ZNG1B: variants seen among roughly 807,000 people sequenced by gnomAD.
ZNG1B encodes zinc-regulated GTPase metalloprotein activator 1B.
chr2:113,476,909 T>C, the ZNG1B span, among the ~76,000 whole-genome samples: 1 of 152,224 alleles, frequency 6.6e-6, no homozygotes, highest in Non-Finnish European at 1.5e-5. Context: ...GGGGAACCAC[T>C]GCTCTTTTCA....
At chr2:113,483,721 T>C in the ZNG1B span, among the ~76,000 whole-genome samples, 1 of 151,506 alleles carries the variant, frequency 6.6e-6, no homozygotes, top group Non-Finnish European at 1.5e-5. Context: ...ACATTTCTTT[T>C]GCCTGGAGTA....
At chr2:113,491,132 AG>A in the ZNG1B span, among the ~76,000 whole-genome samples, 4 of 31,106 alleles carry the variant, frequency 1.3e-4, no homozygotes, top group East Asian at 2.0e-3. Context: ...ACCATGATCA[AG>A]GGGTTTCATA....
the ZNG1B span, among the ~76,000 whole-genome samples, chr2:113,471,765 G>A: frequency 6.6e-6 from 1 of 151,764 alleles, no homozygotes; most frequent in East Asian, 1.9e-4. Context: ...AGTTTATGGA[G>A]AATGATGATT....
chr2:113,464,833 T>A, the ZNG1B span, among the ~76,000 whole-genome samples: 1 of 151,910 alleles, frequency 6.6e-6, no homozygotes, highest in Admixed American at 6.6e-5. Flanking sequence ...TGATTTTTTC[T>A]AAAGTGAAGC....
chr2:113,445,156 G>A, the ZNG1B span: 12 of 1,489,984 alleles, frequency 8.1e-6, no homozygotes, highest in Non-Finnish European at 1.1e-5. Flanking sequence ...GCTTTTGTTA[G>A]TATTAAACCA....
At chr2:113,445,247 T>C in the ZNG1B span, 1 of 610,106 alleles carries the variant, frequency 1.6e-6, no homozygotes, top group Non-Finnish European at 2.8e-6. Context: ...GGAGTATTTC[T>C]TGGTACTTTT....
the ZNG1B span, among the ~76,000 whole-genome samples, chr2:113,460,488 A>C: frequency 6.6e-6 from 1 of 152,114 alleles, no homozygotes; most frequent in Non-Finnish European, 1.5e-5. Context: ...GTAGAAAAAA[A>C]TTGCAAATGG....
chr2:113,461,515 C>T, the ZNG1B span, among the ~76,000 whole-genome samples: 2 of 152,092 alleles, frequency 1.3e-5, no homozygotes, highest in Non-Finnish European at 2.9e-5. Context: ...TTTCAGTGAA[C>T]TAAAGTGAAT....
the ZNG1B span, among the ~76,000 whole-genome samples, chr2:113,462,000 A>G: frequency 1.3e-5 from 2 of 152,100 alleles, no homozygotes; most frequent in African/African-American, 4.8e-5. Flanking sequence ...GTATTTTAGT[A>G]GGTAAACTCT....
chr2:113,466,967 G>A, the ZNG1B span, among the ~76,000 whole-genome samples: 2 of 150,760 alleles, frequency 1.3e-5, no homozygotes, highest in Non-Finnish European at 3.0e-5. Flanking sequence ...AGGAGGCTGA[G>A]GCAGGAGAAT....
At chr2:113,472,004 T>A in the ZNG1B span, among the ~76,000 whole-genome samples, 1 of 151,572 alleles carries the variant, frequency 6.6e-6, no homozygotes, top group Non-Finnish European at 1.5e-5. Context: ...TACCCAGTAA[T>A]GGGATGGCTG....
At chr2:113,471,960 T>C in the ZNG1B span, among the ~76,000 whole-genome samples, 10 of 152,054 alleles carry the variant, frequency 6.6e-5, no homozygotes, top group Non-Finnish European at 1.3e-4. Flanking sequence ...CATATGTCTT[T>C]ATAGCAGCAT....
chr2:113,493,125 C>G, the ZNG1B span, among the ~76,000 whole-genome samples: 1 of 131,628 alleles, frequency 7.6e-6, no homozygotes, highest in Non-Finnish European at 1.6e-5. Context: ...TTACTAAAGC[C>G]AAAGAGGGCA....
chr2:113,483,015 CT>C, the ZNG1B span, among the ~76,000 whole-genome samples: 2 of 145,032 alleles, frequency 1.4e-5, no homozygotes, highest in Admixed American at 6.9e-5. Context: ...GCACCTTTCC[CT>C]GTGAAACTTT....
the ZNG1B span, among the ~76,000 whole-genome samples, chr2:113,438,276 G>A: frequency 6.6e-6 from 1 of 152,148 alleles, no homozygotes; most frequent in South Asian, 2.1e-4. Context: ...AGGCTTTGAC[G>A]CTAAGACACG....
At chr2:113,439,830 G>A in the ZNG1B span, among the ~76,000 whole-genome samples, 1 of 145,270 alleles carries the variant, frequency 6.9e-6, no homozygotes, top group African/African-American at 2.6e-5. Flanking sequence ...TGACATAATT[G>A]CCTCCTTATT....
chr2:113,489,481 CA>C, the ZNG1B span, among the ~76,000 whole-genome samples: 1 of 152,072 alleles, frequency 6.6e-6, no homozygotes, highest in African/African-American at 2.4e-5. Flanking sequence ...ATACAGGCAA[CA>C]AATAGCATGA....
chr2:113,484,806 G>T, the ZNG1B span, among the ~76,000 whole-genome samples: 8 of 149,990 alleles, frequency 5.3e-5, no homozygotes, highest in Admixed American at 4.6e-4. Flanking sequence ...GGGATTACAG[G>T]CATGTACCAC....
the ZNG1B span, among the ~76,000 whole-genome samples, chr2:113,478,146 T>C: frequency 6.6e-6 from 1 of 152,358 alleles, no homozygotes; most frequent in East Asian, 1.9e-4. Flanking sequence ...TATATGTCCA[T>C]AGAAGATCAT....
Sources: allele counts gnomAD v4.1 joint callset (sites outside exome capture counted in the v4.1 genomes callset), GRCh38; gene constraint gnomAD v4.1.1; transcripts MANE v1.5; gene names NCBI Gene and HGNC (gene_info 2026-07-23, HGNC 2026-07-21).